Variants in TM9SF2 observed in about 807,000 individuals in gnomAD.
The protein encoded by TM9SF2 is transmembrane 9 superfamily member 2, also known as 76 kDa membrane protein.
A neutral mutation model predicts 84.9 loss-of-function variants in TM9SF2; 13 were observed. The observed-to-expected ratio is 0.15, with a 90% CI of 0.10 to 0.24. The LOEUF (loss-of-function observed/expected upper bound fraction) is 0.24. TM9SF2 is among the 10% of genes least tolerant of loss of function. TM9SF2 has a pLI of 1.00. For synonymous variants in TM9SF2, 273 were observed against 285.8 expected, an observed-to-expected ratio of 0.96 and a Z score of 0.45; for missense variants, 562 against 818.5, an observed-to-expected ratio of 0.69 and a Z score of 3.82.
At chr13:99,521,499 C>T (rs888134864) in intron 3 of TM9SF2, among the ~76,000 whole-genome samples, 1 of 152,074 alleles carries the variant, frequency 6.6e-6, no homozygotes, top group Non-Finnish European at 1.5e-5. Context: ...CCATCTCCCT[C>T]GACATTTTAT....
chr13:99,526,990 C>T (rs767448574), intron 3 of TM9SF2, among the ~76,000 whole-genome samples: 11 of 152,186 alleles, frequency 7.2e-5, no homozygotes, highest in African/African-American at 9.6e-5. Context: ...AGGCAGCATC[C>T]GTCAGGGACA....
At chr13:99,526,577 GT>G (rs2139085270) in intron 3 of TM9SF2, among the ~76,000 whole-genome samples, 1 of 152,260 alleles carries the variant, frequency 6.6e-6, no homozygotes, top group African/African-American at 2.4e-5. Context: ...GGAGGAGGTG[GT>G]TTGACACTGG....
At chr13:99,517,522 C>A in intron 1 of TM9SF2, 92 bp from the exon 2 acceptor site, 2 of 750,890 alleles carry the variant, frequency 2.7e-6, no homozygotes, top group Non-Finnish European at 2.1e-6. Flanking sequence ...TTTTACATTT[C>A]AGACATGTCA....
intron 10 of TM9SF2, among the ~76,000 whole-genome samples, chr13:99,546,053 C>G (rs145927525): frequency 8.9e-4 from 136 of 152,298 alleles, no homozygotes; most frequent in African/African-American, 3.2e-3. Context: ...TTTTTCAGGT[C>G]GAGGAGGAGA....
chr13:99,521,052 T>C (rs2046157976), intron 3 of TM9SF2, among the ~76,000 whole-genome samples: 1 of 152,226 alleles, frequency 6.6e-6, no homozygotes, highest in African/African-American at 2.4e-5. Flanking sequence ...GCATAATCCC[T>C]GTTTGTTTTG....
chr13:99,557,130 C>T (rs776989109), intron 15 of TM9SF2, among the ~76,000 whole-genome samples: 3 of 152,044 alleles, frequency 2.0e-5, no homozygotes, highest in South Asian at 2.1e-4. Context: ...GTGGTTGTGC[C>T]GTTTTACATT....
In TM9SF2 at chr13:99,501,585, C is replaced by T. The variant is rs778454041; in HGVS notation, c.-22C>T. 6.2e-7 allele frequency: 1 copy of T among 1,609,126 alleles called. No homozygotes were observed. The highest frequency in any genetic ancestry group is 1.7e-5 in the Admixed American group (1 of 59,638). On this transcript the variant is annotated 5_prime_UTR_variant, in exon 1 of 17. Coordinates refer to ENST00000376387, the MANE Select transcript of TM9SF2 (RefSeq NM_004800.3). ...CCTCTTGACCCCCTAGGTTTGATTG[C>T]CCTTTCCCCGAAACAACTATCATGA...
At chr13:99,509,838 T>C (rs2046105584) in intron 1 of TM9SF2, among the ~76,000 whole-genome samples, 1 of 152,208 alleles carries the variant, frequency 6.6e-6, no homozygotes, top group Admixed American at 6.5e-5. Flanking sequence ...CCTGCTTGAA[T>C]TTCTCTCCAG....
intron 3 of TM9SF2, among the ~76,000 whole-genome samples, chr13:99,524,596 A>T (rs2046174156): frequency 1.3e-5 from 2 of 152,014 alleles, no homozygotes; most frequent in African/African-American, 4.8e-5. Context: ...ATCAGTGTAT[A>T]GATGGTATTT....
At chr13:99,525,553 AT>A (rs34947354) in intron 3 of TM9SF2, among the ~76,000 whole-genome samples, 1,703 of 119,452 alleles carry the variant, frequency 0.014, 20 homozygotes, top group African/African-American at 0.044. Flanking sequence ...CTTATGATAG[AT>A]TTTTTTTTTT....
intron 10 of TM9SF2, among the ~76,000 whole-genome samples, chr13:99,545,652 C>T (rs551000451): frequency 6.6e-6 from 1 of 152,110 alleles, no homozygotes; most frequent in Admixed American, 6.5e-5. Flanking sequence ...CTGAAACCTC[C>T]ACCTCCTAGG....
chr13:99,552,968 A>G (rs1163033968), intron 13 of TM9SF2, among the ~76,000 whole-genome samples: 1 of 152,206 alleles, frequency 6.6e-6, no homozygotes, highest in Non-Finnish European at 1.5e-5. Flanking sequence ...TAGCTTTGAA[A>G]TAAATTGTAT....
intron 15 of TM9SF2, among the ~76,000 whole-genome samples, chr13:99,556,062 T>C (rs1221463078): frequency 6.6e-6 from 1 of 152,148 alleles, no homozygotes; most frequent in Non-Finnish European, 1.5e-5. Context: ...ATTAAAAAGT[T>C]TCTATAATCA....
intron 1 of TM9SF2, among the ~76,000 whole-genome samples, chr13:99,513,617 T>G (rs1452861395): frequency 3.3e-5 from 5 of 152,222 alleles, no homozygotes; most frequent in Non-Finnish European, 7.3e-5. Flanking sequence ...ATTCAAATAA[T>G]AGTGAAAAAT....
intron 9 of TM9SF2, 74 bp from the exon 10 acceptor site, chr13:99,543,789 A>G: frequency 6.5e-7 from 1 of 1,529,644 alleles, no homozygotes; most frequent in Non-Finnish European, 8.8e-7. Context: ...CAGCATATTC[A>G]ACAGTGAACA....
At chr13:99,545,221 T>A (rs2139102297) in intron 10 of TM9SF2, among the ~76,000 whole-genome samples, 1 of 152,338 alleles carries the variant, frequency 6.6e-6, no homozygotes, top group Non-Finnish European at 1.5e-5. Context: ...TATGATAAAA[T>A]TAATTATATA....
intron 11 of TM9SF2, among the ~76,000 whole-genome samples, chr13:99,548,408 T>G (rs1282130372): frequency 6.6e-6 from 1 of 152,240 alleles, no homozygotes; most frequent in Non-Finnish European, 1.5e-5. Flanking sequence ...TTATTTTCTT[T>G]TAGGGCAAGT....
At position 99,509,204 on chromosome 13, in the gene TM9SF2, T is replaced by C. The variant is rs115502127; in HGVS notation, c.171+7427T>C. ...CAAGGTTCAACCCCCACAGCTGTTC[T>C]CACAGGTTGTTCAGTGCCTGTAGCT... On this transcript the variant is annotated intron_variant, in intron 1 of 16. Coordinates refer to ENST00000376387, the MANE Select transcript of TM9SF2 (RefSeq NM_004800.3). 5.1e-3 allele frequency among the ~76,000 whole-genome samples: 773 copies of C among 152,332 alleles called. 11 individuals are homozygous for C. Among genetic ancestry groups the C allele is most frequent in the African/African-American group, 0.018 (732 of 41,568 alleles).
intron 11 of TM9SF2, among the ~76,000 whole-genome samples, chr13:99,547,348 C>G (rs1279342559): frequency 6.6e-6 from 1 of 152,184 alleles, no homozygotes; most frequent in East Asian, 1.9e-4. Flanking sequence ...TCCCCTCCCT[C>G]TTTTTTTCTT....
Sources: allele counts gnomAD v4.1 joint callset (sites outside exome capture counted in the v4.1 genomes callset), GRCh38; gene constraint gnomAD v4.1.1; transcripts MANE v1.5; gene names NCBI Gene and HGNC (gene_info 2026-07-23, HGNC 2026-07-21).